Variants in SUSD4 observed in about 807,000 individuals in gnomAD.
SUSD4 encodes sushi domain-containing protein 4.
Under a neutral mutation model 50.5 loss-of-function variants are expected in SUSD4, and 41 were observed. That is an observed-to-expected ratio of 0.81 (90% confidence interval 0.63 to 1.05). The LOEUF is 1.05. Among genes scored for constraint, SUSD4 ranks in the 50% least tolerant of loss-of-function variants. SUSD4 has a pLI of 0.00. For synonymous variants in SUSD4, 257 were observed against 257.3 expected, an observed-to-expected ratio of 1.00 and a Z score of 0.01; for missense variants, 580 against 634.7, an observed-to-expected ratio of 0.91 and a Z score of 0.93.
intron 2 of SUSD4, among the ~76,000 whole-genome samples, chr1:223,309,612 A>T (rs969367774): frequency 2.0e-5 from 3 of 152,132 alleles, no homozygotes; most frequent in Non-Finnish European, 4.4e-5. Flanking sequence ...TAATTTAGAG[A>T]AATACAGGAA....
At chr1:223,321,093 C>T (rs952460863) in intron 2 of SUSD4, among the ~76,000 whole-genome samples, 5 of 152,130 alleles carry the variant, frequency 3.3e-5, no homozygotes, top group Admixed American at 1.3e-4. Context: ...AGTGACAGCC[C>T]GCTTCTCATC....
At chr1:223,291,834 C>CA (rs1049645880) in intron 3 of SUSD4, among the ~76,000 whole-genome samples, 10 of 151,562 alleles carry the variant, frequency 6.6e-5, no homozygotes, top group East Asian at 3.9e-4. Flanking sequence ...AAAGTAAAAA[C>CA]AAAAAAAAGT....
intron 3 of SUSD4, among the ~76,000 whole-genome samples, chr1:223,291,851 A>G (rs569959903): frequency 6.6e-6 from 1 of 152,362 alleles, no homozygotes; most frequent in South Asian, 2.1e-4. Context: ...AAGTATATAA[A>G]GTTGTTTCAA....
chr1:223,238,321 T>C (rs943913662), intron 5 of SUSD4, among the ~76,000 whole-genome samples: 4 of 151,472 alleles, frequency 2.6e-5, no homozygotes, highest in Admixed American at 2.6e-4. Context: ...ATTGTCTCTA[T>C]TGAGTTCCTA....
intron 2 of SUSD4, among the ~76,000 whole-genome samples, chr1:223,299,129 CAATT>C (rs1665024271): frequency 6.6e-6 from 1 of 152,218 alleles, no homozygotes; most frequent in South Asian, 2.1e-4. Context: ...CCTAGCAGAT[CAATT>C]CCCAGCCTGG....
chr1:223,339,460 G>T (rs1667634330), intron 2 of SUSD4, among the ~76,000 whole-genome samples: 1 of 152,084 alleles, frequency 6.6e-6, no homozygotes, highest in Non-Finnish European at 1.5e-5. Context: ...GCGGGGCAGG[G>T]GTGGGACAGG....
chr1:223,274,280 C>G (rs1367301840), intron 3 of SUSD4, among the ~76,000 whole-genome samples: 1 of 152,098 alleles, frequency 6.6e-6, no homozygotes, highest in Non-Finnish European at 1.5e-5. Flanking sequence ...CAGCAATTAA[C>G]GAAAGGCAGA....
intron 8 of SUSD4, 33 bp downstream of exon 8, chr1:223,223,216 A>T (rs1423836793): frequency 6.6e-7 from 1 of 1,507,138 alleles, no homozygotes; most frequent in Non-Finnish European, 8.8e-7. Flanking sequence ...AGGTGTTTGC[A>T]GGTGTGGCTT....
At chr1:223,287,949 A>G (rs61838194) in intron 3 of SUSD4, among the ~76,000 whole-genome samples, 42,639 of 152,092 alleles carry the variant, frequency 0.28, 7,427 homozygotes, top group Non-Finnish European at 0.4. Flanking sequence ...AGGAAACTCA[A>G]AGAAGAAAAG....
intron 2 of SUSD4, among the ~76,000 whole-genome samples, chr1:223,338,235 T>C (rs1199129636): frequency 3.3e-5 from 5 of 152,186 alleles, no homozygotes; most frequent in Non-Finnish European, 7.3e-5. Context: ...GTCAGTGGAC[T>C]GAAAATAATA....
chr1:223,291,181 C>A (rs1664463905), intron 3 of SUSD4, among the ~76,000 whole-genome samples: 1 of 151,992 alleles, frequency 6.6e-6, no homozygotes, highest in Non-Finnish European at 1.5e-5. Flanking sequence ...GAAGGAGGAG[C>A]AAAATAGGCA....
Position 223,227,859 on chromosome 1 carries a change from C to T in SUSD4, c.917-121G>A. 3 of 1,296,714 alleles carry T rather than the reference C, an allele frequency of 2.3e-6. No individual in the cohort carries two copies. The highest frequency in any genetic ancestry group is 1.5e-5 in the South Asian group (1 of 66,348). 80.3% of individuals were successfully genotyped at this position (1,296,714 alleles called of 1,614,324 possible). On this transcript the variant is annotated intron_variant, in intron 6 of 8. Coordinates refer to ENST00000366878, the MANE Select transcript of SUSD4 (RefSeq NM_017982.4). The surrounding 1 kb of genome is among the most constrained non-coding windows in gnomAD (Gnocchi z 4.5). Reference sequence around the variant, plus strand: ...AGAGATGCGTGCAAGGTGCCTCTGACCCCCAGGGCTCGGCAGAGATACCAT... The same window carrying T: ...AGAGATGCGTGCAAGGTGCCTCTGATCCCCAGGGCTCGGCAGAGATACCAT...
In SUSD4 at chr1:223,332,227, T is replaced by A. The variant is rs889554994; in HGVS notation, c.148+31051A>T. On this transcript the variant is annotated intron_variant, in intron 2 of 8. Coordinates refer to ENST00000366878, the MANE Select transcript of SUSD4 (RefSeq NM_017982.4). The surrounding 1 kb of genome is among the most constrained non-coding windows in gnomAD (Gnocchi z 4.0). ...AATACCTAAGATGTGGTTCATAAAATATTTGGAGGGTGCTAGTAGGAAGCA... is the reference window on the plus strand; with the variant it reads ...AATACCTAAGATGTGGTTCATAAAAAATTTGGAGGGTGCTAGTAGGAAGCA... 2.0e-5 allele frequency among the ~76,000 whole-genome samples: 3 copies of A among 152,184 alleles called. No homozygotes were observed. The highest frequency in any genetic ancestry group is 7.2e-5 in the African/African-American group (3 of 41,436).
At chr1:223,352,168 G>T (rs1668405363) in intron 2 of SUSD4, among the ~76,000 whole-genome samples, 1 of 152,186 alleles carries the variant, frequency 6.6e-6, no homozygotes, top group African/African-American at 2.4e-5. Context: ...GAGTGTGGCT[G>T]CAGTATTCCA....
chr1:223,298,554 G>C (rs1432804025), intron 2 of SUSD4, among the ~76,000 whole-genome samples: 1 of 152,140 alleles, frequency 6.6e-6, no homozygotes, highest in Non-Finnish European at 1.5e-5. Context: ...TTTTTGGCCA[G>C]TCACCCTCTG....
intron 5 of SUSD4, among the ~76,000 whole-genome samples, chr1:223,250,577 G>A (rs961838813): frequency 1.3e-5 from 2 of 152,210 alleles, no homozygotes; most frequent in Non-Finnish European, 2.9e-5. Flanking sequence ...ACTGAGTCAT[G>A]CCATGGGGTT....
chr1:223,258,341 C>T (rs1470164047), intron 5 of SUSD4, among the ~76,000 whole-genome samples: 1 of 152,194 alleles, frequency 6.6e-6, no homozygotes, highest in African/African-American at 2.4e-5. Context: ...TTTGGCCAAA[C>T]AAGGTTCTTC....
chr1:223,258,774 C>T (rs1661885012), intron 5 of SUSD4, among the ~76,000 whole-genome samples: 1 of 152,144 alleles, frequency 6.6e-6, no homozygotes, highest in South Asian at 2.1e-4. Flanking sequence ...AACAAATGAG[C>T]AGACCAGACT....
intron 2 of SUSD4, among the ~76,000 whole-genome samples, chr1:223,325,900 G>A (rs1035308200): frequency 6.6e-6 from 1 of 152,174 alleles, no homozygotes; most frequent in African/African-American, 2.4e-5. Flanking sequence ...CATATCCCAT[G>A]CTCATGGATG....
Sources: allele counts gnomAD v4.1 joint callset (sites outside exome capture counted in the v4.1 genomes callset), GRCh38; gene constraint gnomAD v4.1.1; non-coding constraint Gnocchi (gnomAD v3.1); transcripts MANE v1.5; gene names NCBI Gene and HGNC (gene_info 2026-07-23, HGNC 2026-07-21).